Variants in CDK19 observed in about 807,000 individuals in gnomAD.
CDK19 encodes cyclin dependent kinase 19.
In CDK19, 20 loss-of-function variants were observed where a neutral mutation model predicts 68.3. That is an observed-to-expected ratio of 0.29 (90% CI 0.21 to 0.43). The LOEUF (loss-of-function observed/expected upper bound fraction) is 0.43, where lower values mean the gene tolerates loss of function less well. CDK19 is among the 20% of genes least tolerant of loss of function. CDK19 has a pLI of 1.00. For synonymous variants in CDK19, 221 were observed against 222.8 expected, an observed-to-expected ratio of 0.99 and a Z score of 0.07; for missense variants, 339 against 623.5, an observed-to-expected ratio of 0.54 and a Z score of 4.86.
chr6:110,769,903 C>A (rs1184025342), intron 1 of CDK19, among the ~76,000 whole-genome samples: 1 of 152,002 alleles, frequency 6.6e-6, no homozygotes, highest in East Asian at 1.9e-4. Flanking sequence ...GGCCAACTAG[C>A]CTGCAAATGT....
At chr6:110,718,138 T>C (rs1020857996) in intron 2 of CDK19, among the ~76,000 whole-genome samples, 1 of 152,142 alleles carries the variant, frequency 6.6e-6, no homozygotes. Flanking sequence ...TTCTGTTGCC[T>C]GTAAGTTACC....
At chr6:110,651,096 G>A (rs1427341201) in intron 4 of CDK19, among the ~76,000 whole-genome samples, 1 of 152,152 alleles carries the variant, frequency 6.6e-6, no homozygotes, top group Non-Finnish European at 1.5e-5. Context: ...TCAGGCAAAG[G>A]GTTGGGAAGG....
chr6:110,639,231 G>C (rs1198278909), intron 4 of CDK19, among the ~76,000 whole-genome samples: 1 of 152,102 alleles, frequency 6.6e-6, no homozygotes, highest in Non-Finnish European at 1.5e-5. Context: ...CAAGATGTAG[G>C]AAAATAAAAA....
chr6:110,618,476 T>C (rs1226174644), intron 12 of CDK19, among the ~76,000 whole-genome samples: 1 of 152,202 alleles, frequency 6.6e-6, no homozygotes. Context: ...TCTTGAGTTG[T>C]GTACTTTTCC....
chr6:110,693,717 C>A (rs931017842), intron 2 of CDK19, among the ~76,000 whole-genome samples: 2 of 152,100 alleles, frequency 1.3e-5, no homozygotes, highest in African/African-American at 4.8e-5. Flanking sequence ...TTAAGAACCA[C>A]CCCATCCCCC....
chr6:110,783,920 G>T (rs1781007980), intron 1 of CDK19, among the ~76,000 whole-genome samples: 1 of 151,948 alleles, frequency 6.6e-6, no homozygotes, highest in Non-Finnish European at 1.5e-5. Context: ...AGCATTTTGG[G>T]AGGCCGAAGC....
At chr6:110,636,391 G>T (rs565197101) in intron 5 of CDK19, among the ~76,000 whole-genome samples, 2 of 152,314 alleles carry the variant, frequency 1.3e-5, no homozygotes, top group East Asian at 3.9e-4. Flanking sequence ...CTAAGCCAGT[G>T]CCTTGAAACA....
chr6:110,722,604 C>T (rs900981535), intron 2 of CDK19, among the ~76,000 whole-genome samples: 1 of 150,884 alleles, frequency 6.6e-6, no homozygotes, highest in African/African-American at 2.4e-5. Flanking sequence ...TTAAAAAATA[C>T]TTTCTAAAAA....
intron 2 of CDK19, among the ~76,000 whole-genome samples, chr6:110,716,857 G>A (rs1180779968): frequency 1.3e-5 from 2 of 152,162 alleles, no homozygotes; most frequent in Admixed American, 1.3e-4. Context: ...AATGTGGCAG[G>A]GTGCAGTGGC....
At chr6:110,661,846 G>C (rs754620169) in intron 4 of CDK19, among the ~76,000 whole-genome samples, 1 of 152,154 alleles carries the variant, frequency 6.6e-6, no homozygotes, top group Non-Finnish European at 1.5e-5. Flanking sequence ...TTGATATACT[G>C]TACCATGTTT....
At chr6:110,755,575 G>T (rs760077652) in intron 1 of CDK19, among the ~76,000 whole-genome samples, 10 of 152,122 alleles carry the variant, frequency 6.6e-5, no homozygotes, top group South Asian at 4.2e-4. Flanking sequence ...GGGCCTTATA[G>T]ACACCAGAAA....
In CDK19 at chr6:110,778,731, G is replaced by A. The variant is rs9481105; in HGVS notation, c.129-32530C>T. ...TTTATTCTGGGTGGCATGTATCCAG[G>A]TGAAGTGTACATTTCCCAGCCTTCC... On this transcript the variant is annotated intron_variant, in intron 1 of 12. Coordinates refer to ENST00000368911, the MANE Select transcript of CDK19 (RefSeq NM_015076.5). Among the ~76,000 whole-genome samples, 1,198 of 152,234 alleles carry A rather than the reference G, an allele frequency of 7.9e-3. 25 individuals are homozygous for A. The highest frequency in any genetic ancestry group is 0.028 in the African/African-American group (1,145 of 41,526).
intron 1 of CDK19, among the ~76,000 whole-genome samples, chr6:110,755,315 T>C (rs540862385): frequency 5.3e-5 from 8 of 152,034 alleles, no homozygotes; most frequent in African/African-American, 1.7e-4. Context: ...GCTGGGATTA[T>C]AGGCGTGAGC....
intron 2 of CDK19, among the ~76,000 whole-genome samples, chr6:110,726,053 T>C (rs1776291857): frequency 6.6e-6 from 1 of 152,126 alleles, no homozygotes; most frequent in Non-Finnish European, 1.5e-5. Flanking sequence ...GGGAACAACA[T>C]TTTAATACCA....
intron 2 of CDK19, among the ~76,000 whole-genome samples, chr6:110,703,859 A>C (rs1774213797): frequency 6.6e-6 from 1 of 152,192 alleles, no homozygotes; most frequent in Admixed American, 6.5e-5. Flanking sequence ...AAAATTAAAA[A>C]TGAACCTATA....
intron 1 of CDK19, among the ~76,000 whole-genome samples, chr6:110,780,877 T>A (rs973742460): frequency 3.3e-5 from 5 of 152,224 alleles, no homozygotes; most frequent in South Asian, 2.1e-4. Context: ...ACTTTTAAAA[T>A]TTTTTAAAGG....
chr6:110,763,417 T>G (rs1453315915), intron 1 of CDK19, among the ~76,000 whole-genome samples: 5 of 145,934 alleles, frequency 3.4e-5, no homozygotes, highest in South Asian at 2.2e-4. Context: ...TTATTATGTT[T>G]TTTTTTTTTT....
At chr6:110,689,053 T>C (rs1164297446) in intron 2 of CDK19, among the ~76,000 whole-genome samples, 1 of 152,114 alleles carries the variant, frequency 6.6e-6, no homozygotes. Flanking sequence ...ACTTAGCTCA[T>C]TGCTGCTAGC....
At chr6:110,759,428 A>AATATATATATATAT (rs34490988) in intron 1 of CDK19, among the ~76,000 whole-genome samples, 4 of 50,914 alleles carry the variant, frequency 7.9e-5, no homozygotes, top group Non-Finnish European at 1.3e-4. Context: ...AAAAAAAAAA[A>AATATATATATATAT]ATATATATAT....
Sources: allele counts gnomAD v4.1 joint callset (sites outside exome capture counted in the v4.1 genomes callset), GRCh38; gene constraint gnomAD v4.1.1; transcripts MANE v1.5; gene names NCBI Gene and HGNC (gene_info 2026-07-23, HGNC 2026-07-21).